Variants in MAPK10 observed in about 807,000 individuals in gnomAD.
MAPK10 encodes mitogen-activated protein kinase 10.
Under a neutral mutation model 59.3 loss-of-function variants are expected in MAPK10, and 25 were observed. The observed-to-expected ratio is 0.42, with a 90% confidence interval of 0.31 to 0.59. The LOEUF is 0.59. Among genes scored for constraint, MAPK10 ranks in the 20% least tolerant of loss-of-function variants. The pLI is 0.15. For synonymous variants in MAPK10, 190 were observed against 200.5 expected, an observed-to-expected ratio of 0.95 and a Z score of 0.44; for missense variants, 351 against 568.9, an observed-to-expected ratio of 0.62 and a Z score of 3.90.
At chr4:86,256,734 C>CTTTTTTTTTTTTTTTTTTTT (rs767737802) in intron 2 of MAPK10, among the ~76,000 whole-genome samples, 5 of 59,638 alleles carry the variant, frequency 8.4e-5, no homozygotes, top group Admixed American at 4.1e-4. Flanking sequence ...TTCTTTCTTT[C>CTTTTTTTTTTTTTTTTTTTT]TTTTTTTTTT....
chr4:86,477,088 G>C (rs1481407647), intron 1 of MAPK10, among the ~76,000 whole-genome samples: 1 of 152,158 alleles, frequency 6.6e-6, no homozygotes, highest in East Asian at 1.9e-4. Flanking sequence ...TGCCTCAGAA[G>C]CCTACAGGAC....
intron 2 of MAPK10, among the ~76,000 whole-genome samples, chr4:86,238,421 T>C (rs2092450575): frequency 1.3e-5 from 2 of 151,842 alleles, no homozygotes; most frequent in African/African-American, 4.8e-5. Flanking sequence ...GCATTGAATC[T>C]ATAAATTACT....
chr4:86,060,598 A>T (rs146680847), intron 11 of MAPK10, among the ~76,000 whole-genome samples: 1 of 152,314 alleles, frequency 6.6e-6, no homozygotes, highest in East Asian at 1.9e-4. Context: ...AGATAAGGCA[A>T]CAAAGCTTCA....
chr4:86,068,802 T>C (rs1288625558), intron 9 of MAPK10, among the ~76,000 whole-genome samples: 1 of 152,186 alleles, frequency 6.6e-6, no homozygotes, highest in Non-Finnish European at 1.5e-5. Context: ...ATTGAGATTC[T>C]CTTTTTTATC....
intron 9 of MAPK10, among the ~76,000 whole-genome samples, chr4:86,086,377 T>C (rs2051852165): frequency 6.6e-6 from 1 of 152,154 alleles, no homozygotes; most frequent in East Asian, 1.9e-4. Flanking sequence ...AATTTAATTG[T>C]ACATTTTAAA....
intron 9 of MAPK10, among the ~76,000 whole-genome samples, chr4:86,084,145 G>A (rs865890462): frequency 1.3e-5 from 2 of 152,104 alleles, no homozygotes; most frequent in South Asian, 2.1e-4. Context: ...TGACTATGGG[G>A]CGAGACAAAA....
intron 2 of MAPK10, among the ~76,000 whole-genome samples, chr4:86,314,357 T>C (rs555227313): frequency 2.0e-5 from 3 of 152,280 alleles, no homozygotes; most frequent in South Asian, 2.1e-4. Context: ...TGGGAGATAA[T>C]TGAACTATGG....
At chr4:86,081,816 A>G (rs1291373912) in intron 9 of MAPK10, 1 of 152,084 alleles carries the variant, frequency 6.6e-6, no homozygotes, top group Non-Finnish European at 1.5e-5. Flanking sequence ...TGGCATTGTT[A>G]TTAAGAAAAC....
At chr4:86,505,747 T>C (rs1755694484) in intron 1 of MAPK10, among the ~76,000 whole-genome samples, 1 of 152,180 alleles carries the variant, frequency 6.6e-6, no homozygotes, top group South Asian at 2.1e-4. Flanking sequence ...AGATATCCTA[T>C]GAAGGCACTG....
chr4:86,168,199 AGACAGTGGGTGCAG>A (rs1237569584), intron 3 of MAPK10, among the ~76,000 whole-genome samples: 2 of 152,200 alleles, frequency 1.3e-5, no homozygotes, highest in African/African-American at 2.4e-5. Flanking sequence ...AGGGAGTGCC[AGACAGTGGGTGCAG>A]GACAGTGGGT....
chr4:86,541,064 G>T (rs1758653694), intron 1 of MAPK10, among the ~76,000 whole-genome samples: 1 of 152,172 alleles, frequency 6.6e-6, no homozygotes. Flanking sequence ...TCAGGATTGG[G>T]GTGGGGTGGG....
intron 1 of MAPK10, among the ~76,000 whole-genome samples, chr4:86,464,231 TC>T (rs1289157104): frequency 6.6e-6 from 1 of 152,242 alleles, no homozygotes; most frequent in Non-Finnish European, 1.5e-5. Context: ...AATTGGATTT[TC>T]CCTAAAATAA....
chr4:86,310,667 G>A (rs2095650388), intron 2 of MAPK10, among the ~76,000 whole-genome samples: 1 of 152,082 alleles, frequency 6.6e-6, no homozygotes, highest in Admixed American at 6.6e-5. Context: ...GAAACCTATT[G>A]AAATGCTTTC....
intron 1 of MAPK10, among the ~76,000 whole-genome samples, chr4:86,489,430 A>G (rs1303720815): frequency 6.6e-6 from 1 of 152,156 alleles, no homozygotes; most frequent in East Asian, 1.9e-4. Flanking sequence ...TTTGTTTCAT[A>G]TGTTTTGGGA....
At chr4:86,075,518 T>C (rs1452148855) in intron 9 of MAPK10, among the ~76,000 whole-genome samples, 1 of 152,216 alleles carries the variant, frequency 6.6e-6, no homozygotes, top group East Asian at 1.9e-4. Flanking sequence ...TCCCCATCTT[T>C]GTGGTTTTAT....
At chr4:86,565,503 G>A (rs1003023369) in intron 1 of MAPK10, among the ~76,000 whole-genome samples, 1 of 152,018 alleles carries the variant, frequency 6.6e-6, no homozygotes, top group Non-Finnish European at 1.5e-5. Context: ...CCAACAAAAG[G>A]ACAAATAGTT....
At chr4:86,135,730 A>C (rs187041314) in intron 4 of MAPK10, among the ~76,000 whole-genome samples, 101 of 150,470 alleles carry the variant, frequency 6.7e-4, no homozygotes, top group African/African-American at 2.4e-3. Flanking sequence ...CAGACGATCA[A>C]ATTACTGAGC....
chr4:86,017,585 TCA>T lies in MAPK10; in HGVS notation c.1253-217_1253-216del, dbSNP rs961125838. Among the ~76,000 whole-genome samples, 1 of 152,142 alleles carries T rather than the reference TCA, an allele frequency of 6.6e-6. No individual in the cohort carries two copies. The highest frequency in any genetic ancestry group is 1.5e-5 in the Non-Finnish European group (1 of 68,026). ...GTCCTTCATCACAAGTTATCAAATC[TCA>T]CTCTATATTTGAAATCACCTGCAAC... On this transcript the variant is annotated intron_variant, in intron 13 of 13. Transcript: ENST00000641462. The surrounding 1 kb of genome is among the most constrained non-coding windows in gnomAD (Gnocchi z 4.4).
chr4:86,405,580 AAG>A (rs1215777162), intron 1 of MAPK10, among the ~76,000 whole-genome samples: 2 of 152,348 alleles, frequency 1.3e-5, no homozygotes, highest in African/African-American at 2.4e-5. Context: ...ACATACTAGA[AAG>A]TCTACACACA....
Sources: gnomAD v4.1 joint callset for allele counts (sites outside exome capture counted in the v4.1 genomes callset) on GRCh38, gnomAD v4.1.1 for gene constraint, Gnocchi (gnomAD v3.1) non-coding constraint, MANE v1.5 for transcripts, NCBI Gene and HGNC (gene_info 2026-07-23, HGNC 2026-07-21) for gene names.